Variants in SLC25A21 observed in about 807,000 individuals in gnomAD.
SLC25A21 encodes the protein mitochondrial 2-oxodicarboxylate carrier.
A neutral mutation model predicts 43.8 loss-of-function variants in SLC25A21; 47 were observed. The ratio of observed to expected loss-of-function variants is 1.07; its 90% CI spans 0.85 to 1.37. The LOEUF (loss-of-function observed/expected upper bound fraction) is 1.37, where lower values mean the gene tolerates loss of function less well. SLC25A21 is among the 40% of genes most tolerant of loss of function. SLC25A21 has a pLI of 0.00. For missense variants in SLC25A21, 352 were observed against 350.2 expected, an observed-to-expected ratio of 1.00 and a Z score of -0.04; for synonymous variants, 131 against 121.3, an observed-to-expected ratio of 1.08 and a Z score of -0.52.
chr14:36,907,364 G>T (rs1891563619), intron 1 of SLC25A21, among the ~76,000 whole-genome samples: 4 of 151,622 alleles, frequency 2.6e-5, no homozygotes, highest in African/African-American at 9.7e-5. Flanking sequence ...TTGGTTGGTT[G>T]GTTTTGTTTA....
chr14:37,011,020 G>A (rs749403044), intron 1 of SLC25A21, among the ~76,000 whole-genome samples: 7 of 152,132 alleles, frequency 4.6e-5, no homozygotes, highest in Non-Finnish European at 7.4e-5. Context: ...CTGAGTAGCT[G>A]GAACTACAGG....
At chr14:37,128,564 G>GTT in intron 1 of SLC25A21, among the ~76,000 whole-genome samples, 1 of 151,140 alleles carries the variant, frequency 6.6e-6, no homozygotes, top group Non-Finnish European at 1.5e-5. Context: ...GTGTGTGTGT[G>GTT]TGTGTGTGTG....
At chr14:36,902,496 T>A (rs1470491388) in intron 1 of SLC25A21, among the ~76,000 whole-genome samples, 1 of 152,142 alleles carries the variant, frequency 6.6e-6, no homozygotes, top group African/African-American at 2.4e-5. Context: ...GAGTTTTGTA[T>A]CAAGTTTCAC....
intron 1 of SLC25A21, among the ~76,000 whole-genome samples, chr14:36,938,367 T>C (rs1006895700): frequency 2.0e-5 from 3 of 152,098 alleles, no homozygotes; most frequent in African/African-American, 7.2e-5. Context: ...AGTTCACTCA[T>C]TGCAGGATGA....
chr14:36,789,012 G>GAA (rs375936934), intron 3 of SLC25A21, among the ~76,000 whole-genome samples: 13 of 151,950 alleles, frequency 8.6e-5, no homozygotes, highest in African/African-American at 2.9e-4. Flanking sequence ...AGATTTCCCA[G>GAA]AAAAAAACAT....
chr14:36,815,173 CT>C (rs1888412037), intron 2 of SLC25A21, among the ~76,000 whole-genome samples: 1 of 151,990 alleles, frequency 6.6e-6, no homozygotes, highest in Non-Finnish European at 1.5e-5. Context: ...CAGTTGGCGG[CT>C]GTGGGGAAAG....
intron 3 of SLC25A21, among the ~76,000 whole-genome samples, chr14:36,746,496 T>C (rs1212460015): frequency 6.6e-6 from 1 of 152,162 alleles, no homozygotes; most frequent in African/African-American, 2.4e-5. Context: ...ACCTACTGGG[T>C]ATAATGTACA....
At position 37,095,818 on chromosome 14, in the gene SLC25A21, G is replaced by GCA. The variant is rs3061856; in HGVS notation, c.70+76461_70+76462dup. ...TATTTATATACACACACACGCGCAC[G>GCA]CACACACACACACACACACACACAC... On this transcript the variant is annotated intron_variant, in intron 1 of 9. Transcript: ENST00000331299. Among the ~76,000 whole-genome samples, 377 of 139,640 alleles carry GCA rather than the reference G, an allele frequency of 2.7e-3. 1 individual carries two copies. The highest frequency in any genetic ancestry group is 0.021 in the East Asian group (105 of 4,966). 91.6% of individuals were successfully genotyped at this position (139,640 alleles called of 152,430 possible).
rs145389582 is a variant in SLC25A21, at chr14:37,065,167, G to C, written c.70+107114C>G. On this transcript the variant is annotated intron_variant, in intron 1 of 9. Coordinates refer to ENST00000331299, the MANE Select transcript of SLC25A21 (RefSeq NM_030631.4). ...TGTTCAGAGAAGCCTTTATGGATGA[G>C]GTGACACTTGAGATTTGAAAGCTGA... Among the ~76,000 whole-genome samples the C allele has an allele frequency of 1.2e-3, 183 of 152,256 alleles. 1 individual carries two copies. The highest frequency in any genetic ancestry group is 4.2e-3 in the African/African-American group (173 of 41,552).
Position 36,678,693 on chromosome 14 carries a change from G to A in SLC25A21, c.*1965C>T, listed in dbSNP as rs1315872535. ...TTGCTTGTGTGGAAATGCAAATAAT[G>A]TTATTTTCTTTATCTAAATTAAGAA... On this transcript the variant is annotated 3_prime_UTR_variant, in exon 10 of 10. Coordinates refer to ENST00000331299, the MANE Select transcript of SLC25A21 (RefSeq NM_030631.4). The A allele has an allele frequency of 2.4e-6, 3 of 1,240,964 alleles. No individual in the cohort carries two copies. Among genetic ancestry groups the A allele is most frequent in the South Asian group, 3.6e-5 (1 of 27,644 alleles). 76.9% of individuals were successfully genotyped at this position (1,240,964 alleles called of 1,614,324 possible). A position where few individuals can be genotyped will look rare whatever the true frequency, so the allele number is the denominator to read the frequency against.
chr14:37,159,604 G>A (rs1315312905), intron 1 of SLC25A21, among the ~76,000 whole-genome samples: 4 of 151,898 alleles, frequency 2.6e-5, no homozygotes, highest in East Asian at 3.9e-4. Flanking sequence ...TTAAATATAC[G>A]ACCCAAAACT....
At chr14:37,076,994 T>C (rs1962294429) in intron 1 of SLC25A21, among the ~76,000 whole-genome samples, 1 of 152,210 alleles carries the variant, frequency 6.6e-6, no homozygotes, top group South Asian at 2.1e-4. Flanking sequence ...TAATGAAATA[T>C]TGGGGTTCCA....
chr14:36,812,090 A>C (rs1364680778), intron 3 of SLC25A21, among the ~76,000 whole-genome samples: 2 of 152,174 alleles, frequency 1.3e-5, no homozygotes, highest in African/African-American at 2.4e-5. Context: ...AATCTAATCT[A>C]AGAGAAATGG....
intron 3 of SLC25A21, among the ~76,000 whole-genome samples, chr14:36,786,960 A>C (rs1161981469): frequency 6.6e-6 from 1 of 152,132 alleles, no homozygotes; most frequent in African/African-American, 2.4e-5. Flanking sequence ...GTGGTAATAA[A>C]ATAAACACAC....
intron 1 of SLC25A21, among the ~76,000 whole-genome samples, chr14:37,116,470 T>C (rs1594800773): frequency 6.6e-6 from 1 of 152,174 alleles, no homozygotes; most frequent in Non-Finnish European, 1.5e-5. Flanking sequence ...AAGCCCTTAC[T>C]AGGCAGACCT....
At chr14:37,016,945 T>C (rs942179070) in intron 1 of SLC25A21, among the ~76,000 whole-genome samples, 1 of 152,086 alleles carries the variant, frequency 6.6e-6, no homozygotes, top group Non-Finnish European at 1.5e-5. Flanking sequence ...GTTAGGGCCT[T>C]GCTCTGGATT....
chr14:37,042,329 T>C (rs752706077), intron 1 of SLC25A21, among the ~76,000 whole-genome samples: 23 of 152,136 alleles, frequency 1.5e-4, no homozygotes, highest in Admixed American at 3.9e-4. Flanking sequence ...TTTGATATCA[T>C]CAAAATTGTT....
intron 6 of SLC25A21, among the ~76,000 whole-genome samples, chr14:36,723,244 T>C (rs759521939): frequency 6.6e-6 from 1 of 152,224 alleles, no homozygotes; most frequent in Non-Finnish European, 1.5e-5. Flanking sequence ...ACAATCCCAT[T>C]ACTGTCTGTT....
chr14:37,058,285 C>A lies in SLC25A21; in HGVS notation c.70+113996G>T, dbSNP rs565899099. On this transcript the variant is annotated intron_variant, in intron 1 of 9. Coordinates refer to ENST00000331299, the MANE Select transcript of SLC25A21 (RefSeq NM_030631.4). ...CTACCTACCAAAGCCTTTATAGTAT[C>A]TCTTCTACCATTAGGATGATCCTCA... Among the ~76,000 whole-genome samples, 9 of 152,294 alleles carry A rather than the reference C, an allele frequency of 5.9e-5. No individual in the cohort carries two copies. In the East Asian group the frequency reaches 1.7e-3, roughly 29 times the overall value.
Sources: allele counts gnomAD v4.1 joint callset (sites outside exome capture counted in the v4.1 genomes callset), GRCh38; gene constraint gnomAD v4.1.1; transcripts MANE v1.5; gene names NCBI Gene and HGNC (gene_info 2026-07-23, HGNC 2026-07-21).